Variants in TCF4 observed in about 807,000 individuals in gnomAD.
TCF4 encodes the protein transcription factor 4.
In TCF4, 3 loss-of-function variants were observed where a neutral mutation model predicts 82.1. That is an observed-to-expected ratio of 0.04 (90% CI 0.02 to 0.09). TCF4 has a LOEUF of 0.09. Among genes scored for constraint, TCF4 ranks in the 10% least tolerant of loss-of-function variants. The pLI, the probability that TCF4 is intolerant of heterozygous loss-of-function variation, is 1.00. For synonymous variants in TCF4, 276 were observed against 309.6 expected, an observed-to-expected ratio of 0.89 and a Z score of 1.14; for missense variants, 518 against 852.7, an observed-to-expected ratio of 0.61 and a Z score of 4.89.
chr18:55,302,709 G>A, intron 8 of TCF4: 1 of 1,218,148 alleles, frequency 8.2e-7, no homozygotes, highest in Non-Finnish European at 1.1e-6. Flanking sequence ...AGGGCATGAA[G>A]AAGGGGAGGT....
intron 3 of TCF4, among the ~76,000 whole-genome samples, chr18:55,507,827 G>A (rs2096779966): frequency 6.6e-6 from 1 of 152,136 alleles, no homozygotes; most frequent in African/African-American, 2.4e-5. Context: ...TTGGGTTCAA[G>A]TGTTGGTGCT....
rs370348879 is a variant in TCF4 at position 55,466,146 on chromosome 18, A to T, written c.146-2009T>A. Reference sequence around the variant, plus strand: ...GTTGCTAGTGGCATTGATCACACAGAGGCCAAGAGTTGCTATTAAATATCT... The same window carrying T: ...GTTGCTAGTGGCATTGATCACACAGTGGCCAAGAGTTGCTATTAAATATCT... On this transcript the variant is annotated intron_variant, in intron 3 of 19. Coordinates refer to ENST00000354452, the MANE Select transcript of TCF4 (RefSeq NM_001083962.2). Among the ~76,000 whole-genome samples the T allele has an allele frequency of 1.7e-4, 26 of 152,254 alleles. No individual in the cohort carries two copies. The East Asian group carries it at 4.6e-3, about 27-fold the overall frequency.
intron 6 of TCF4, chr18:55,401,996 G>C (rs2093847622): frequency 1.0e-6 from 1 of 976,682 alleles, no homozygotes; most frequent in African/African-American, 1.7e-5. Flanking sequence ...CTTTACACCA[G>C]AGACACAGCA....
intron 3 of TCF4, among the ~76,000 whole-genome samples, chr18:55,466,127 A>G (rs1322004981): frequency 1.3e-5 from 2 of 152,174 alleles, no homozygotes; most frequent in Non-Finnish European, 2.9e-5. Context: ...GGGTGTTGCT[A>G]GTGGCATTGA....
At chr18:55,612,107 G>A (rs1041038310) in intron 2 of TCF4, among the ~76,000 whole-genome samples, 1 of 152,288 alleles carries the variant, frequency 6.6e-6, no homozygotes, top group Middle Eastern at 3.4e-3. Context: ...TACATCTTCA[G>A]AAACTGGGCT....
intron 5 of TCF4, among the ~76,000 whole-genome samples, chr18:55,442,685 A>T (rs1298829494): frequency 2.0e-5 from 3 of 152,158 alleles, no homozygotes; most frequent in African/African-American, 7.2e-5. Flanking sequence ...CTTATAAATA[A>T]TTGGATACAA....
At chr18:55,334,693 G>A (rs983273241) in intron 8 of TCF4, among the ~76,000 whole-genome samples, 1 of 152,020 alleles carries the variant, frequency 6.6e-6, no homozygotes, top group Non-Finnish European at 1.5e-5. Context: ...AATTATTACT[G>A]GGCCAACCTG....
chr18:55,415,592 A>C (rs1022229931), intron 5 of TCF4, among the ~76,000 whole-genome samples: 3 of 152,150 alleles, frequency 2.0e-5, no homozygotes, highest in African/African-American at 7.2e-5. Context: ...CATTGATAAA[A>C]CTAACGTGCT....
At chr18:55,591,776 C>A (rs886372911), upstream of TCF4, among the ~76,000 whole-genome samples, 1 of 152,194 alleles carries the variant, frequency 6.6e-6, no homozygotes, top group Admixed American at 6.5e-5. Flanking sequence ...CTCGGCCTCC[C>A]AAAGTACTGG....
At chr18:55,361,392 C>T (rs976158550) in intron 6 of TCF4, among the ~76,000 whole-genome samples, 2 of 152,184 alleles carry the variant, frequency 1.3e-5, no homozygotes, top group Non-Finnish European at 2.9e-5. Flanking sequence ...GGAAGACAGT[C>T]CTCATCTGTC....
At chr18:55,471,643 G>T (rs1412428051) in intron 3 of TCF4, among the ~76,000 whole-genome samples, 1 of 152,034 alleles carries the variant, frequency 6.6e-6, no homozygotes, top group African/African-American at 2.4e-5. Flanking sequence ...GTGCACACTT[G>T]TAGTCCCAGC....
At chr18:55,414,584 C>T (rs2094462937) in intron 5 of TCF4, among the ~76,000 whole-genome samples, 1 of 152,142 alleles carries the variant, frequency 6.6e-6, no homozygotes, top group African/African-American at 2.4e-5. Context: ...TTGATGGAGC[C>T]TTGTCAACAA....
chr18:55,485,231 G>A (rs1189015886), intron 3 of TCF4, among the ~76,000 whole-genome samples: 1 of 152,302 alleles, frequency 6.6e-6, no homozygotes, highest in Admixed American at 6.5e-5. Flanking sequence ...TTTGGAATAG[G>A]TAACGTAATG....
chr18:55,611,657 A>C (rs2097707090), intron 2 of TCF4, among the ~76,000 whole-genome samples: 1 of 152,226 alleles, frequency 6.6e-6, no homozygotes, highest in South Asian at 2.1e-4. Flanking sequence ...TAGGAATTAC[A>C]TTGAAAAAGT....
intron 5 of TCF4, among the ~76,000 whole-genome samples, chr18:55,457,571 C>T (rs948027949): frequency 1.3e-5 from 2 of 152,158 alleles, no homozygotes; most frequent in Non-Finnish European, 2.9e-5. Context: ...CTGCAACCTC[C>T]GCCCCCTGAG....
At chr18:55,324,205 A>G (rs1012929620) in intron 8 of TCF4, among the ~76,000 whole-genome samples, 1 of 152,242 alleles carries the variant, frequency 6.6e-6, no homozygotes, top group African/African-American at 2.4e-5. Flanking sequence ...AAACGAGTCT[A>G]AGATTTCAAA....
At chr18:55,375,917 A>G (rs2090605664) in intron 6 of TCF4, among the ~76,000 whole-genome samples, 1 of 151,970 alleles carries the variant, frequency 6.6e-6, no homozygotes, top group African/African-American at 2.4e-5. Flanking sequence ...AACTAAGGCA[A>G]TGATCTCCAG....
At chr18:55,555,973 C>A (rs1315409978) in intron 3 of TCF4, among the ~76,000 whole-genome samples, 1 of 152,148 alleles carries the variant, frequency 6.6e-6, no homozygotes, top group Non-Finnish European at 1.5e-5. Flanking sequence ...GAATGGAGTT[C>A]TTTCTATTTG....
chr18:55,288,154 T>C (rs1223061757), intron 8 of TCF4, among the ~76,000 whole-genome samples: 1 of 152,218 alleles, frequency 6.6e-6, no homozygotes, highest in Non-Finnish European at 1.5e-5. Context: ...GATGTTATCA[T>C]AGCTATAGAA....
Sources: allele counts gnomAD v4.1 joint callset (sites outside exome capture counted in the v4.1 genomes callset), GRCh38; gene constraint gnomAD v4.1.1; transcripts MANE v1.5; gene names NCBI Gene and HGNC (gene_info 2026-07-23, HGNC 2026-07-21).